The following TMEM14A variants were observed in gnomAD, a reference collection of about 807,000 sequenced individuals.
The protein encoded by TMEM14A is transmembrane protein 14A.
In TMEM14A, 8 loss-of-function variants were observed where a neutral mutation model predicts 11.6. The observed-to-expected ratio is 0.69, with a 90% CI of 0.40 to 1.24. The LOEUF is 1.24. TMEM14A is among the 50% of genes most tolerant of loss of function. TMEM14A has a pLI of 0.01. For synonymous variants in TMEM14A, 34 were observed against 45.5 expected (o/e 0.75, Z 1.02); for missense variants, 108 against 121.9 (o/e 0.89, Z 0.54).
At chr6:52,672,185 G>A (rs1166082767) in intron 1 of TMEM14A, among the ~76,000 whole-genome samples, 7 of 152,132 alleles carry the variant, frequency 4.6e-5, no homozygotes. Flanking sequence ...TTAAGTACCT[G>A]CCTTGTGCAT....
chr6:52,680,965 G>A (rs971735255), intron 2 of TMEM14A, among the ~76,000 whole-genome samples: 1 of 150,846 alleles, frequency 6.6e-6, no homozygotes, highest in Admixed American at 6.6e-5. Context: ...GTGCTGCAGT[G>A]GTTCTTAACC....
At chr6:52,680,662 T>TATATGTGTGTATATATATATAC (rs1769358723) in intron 2 of TMEM14A, among the ~76,000 whole-genome samples, 2 of 81,820 alleles carry the variant, frequency 2.4e-5, no homozygotes, top group African/African-American at 4.1e-5. Flanking sequence ...TGTGTGTATA[T>TATATGTGTGTATATATATATAC]ATATGTGTAT....
intron 2 of TMEM14A, among the ~76,000 whole-genome samples, chr6:52,678,126 T>C (rs1427136751): frequency 6.6e-6 from 1 of 152,154 alleles, no homozygotes; most frequent in East Asian, 1.9e-4. Context: ...TACTCAGAGG[T>C]TGATGTTTCA....
At chr6:52,673,253 C>T (rs1769194800) in intron 1 of TMEM14A, among the ~76,000 whole-genome samples, 1 of 152,168 alleles carries the variant, frequency 6.6e-6, no homozygotes, top group Non-Finnish European at 1.5e-5. Context: ...GCCTGCCCAA[C>T]CCAGAGATTT....
chr6:52,681,803 C>T lies in TMEM14A; in HGVS notation c.71-10C>T, dbSNP rs374017707. 56 of 1,611,016 alleles carry T rather than the reference C, an allele frequency of 3.5e-5. 1 individual carries two copies. The highest frequency in any genetic ancestry group is 4.5e-5 in the Non-Finnish European group (53 of 1,178,310). On this transcript the variant is annotated splice_polypyrimidine_tract_variant and intron_variant, in intron 2 of 4. Coordinates refer to ENST00000211314, the MANE Select transcript of TMEM14A (RefSeq NM_014051.4). ...TCTCTTTGTGATCTCATATTTTTTT[C>T]CCCTTCCAGGTGGTGTTCCGTCTTT...
At chr6:52,679,494 A>G (rs979952306) in intron 2 of TMEM14A, among the ~76,000 whole-genome samples, 2 of 152,118 alleles carry the variant, frequency 1.3e-5, no homozygotes, top group African/African-American at 4.8e-5. Flanking sequence ...GGACGACCAT[A>G]AGAGCACCTG....
chr6:52,677,256 A>G, intron 2 of TMEM14A, 84 bp downstream of exon 2: 1 of 1,447,654 alleles, frequency 6.9e-7, no homozygotes, highest in Non-Finnish European at 9.7e-7. Flanking sequence ...TGTAAGTAGG[A>G]TGAGAAGCTA....
At chr6:52,678,664 T>C (rs76145768) in intron 2 of TMEM14A, among the ~76,000 whole-genome samples, 3,171 of 152,290 alleles carry the variant, frequency 0.021, 55 homozygotes, top group African/African-American at 0.039. Flanking sequence ...CCAGCACTGA[T>C]ACTCAGGTGA....
At chr6:52,671,612 A>G (rs1025033757) in intron 1 of TMEM14A, among the ~76,000 whole-genome samples, 2 of 152,116 alleles carry the variant, frequency 1.3e-5, no homozygotes, top group East Asian at 1.9e-4. Flanking sequence ...GTGCCCTCCA[A>G]GAGCTCAAGG....
intron 1 of TMEM14A, among the ~76,000 whole-genome samples, chr6:52,674,729 G>C (rs573798983): frequency 1.3e-5 from 2 of 152,044 alleles, no homozygotes; most frequent in Non-Finnish European, 2.9e-5. Flanking sequence ...CCACAGATGA[G>C]CTCTCCTGTT....
At chr6:52,676,941 C>T (rs1769267462) in intron 1 of TMEM14A, 146 bp from the exon 2 acceptor site, 2 of 719,236 alleles carry the variant, frequency 2.8e-6, no homozygotes, top group Non-Finnish European at 4.8e-6. Flanking sequence ...CCCACCAGGC[C>T]CCACCTCCAA....
chr6:52,679,070 A>C (rs1185872697), intron 2 of TMEM14A, among the ~76,000 whole-genome samples: 1 of 152,210 alleles, frequency 6.6e-6, no homozygotes, highest in African/African-American at 2.4e-5. Flanking sequence ...AATGGTGTTT[A>C]GTGGGAGGAC....
In TMEM14A at chr6:52,680,681, A is replaced by ATGTGTGTG. The variant is rs1769364697; in HGVS notation, c.71-1131_71-1130insGTGTGTGT. Among the ~76,000 whole-genome samples the ATGTGTGTG allele has an allele frequency of 8.7e-5, 7 of 80,452 alleles. 1 individual carries two copies. The highest frequency in any genetic ancestry group is 3.0e-4 in the African/African-American group (7 of 23,398). 52.8% of individuals were successfully genotyped at this position (80,452 alleles called of 152,430 possible). A position where few individuals can be genotyped will look rare whatever the true frequency, so the allele number is the denominator to read the frequency against. ...TGTATATATATGTGTATATATATATATACATATATGTATATATATATATAC... is the reference window on the plus strand; with the variant it reads ...TGTATATATATGTGTATATATATATATGTGTGTGTACATATATGTATATATATATATAC... On this transcript the variant is annotated intron_variant, in intron 2 of 4. Coordinates refer to ENST00000211314, the MANE Select transcript of TMEM14A (RefSeq NM_014051.4).
intron 3 of TMEM14A, among the ~76,000 whole-genome samples, chr6:52,683,641 C>T (rs771919151): frequency 1.9e-4 from 29 of 151,924 alleles, no homozygotes; most frequent in Admixed American, 1.6e-3. Flanking sequence ...AGACAGAGTT[C>T]GCTCTTGTTG....
Position 52,685,195 on chromosome 6 carries a change from A to G in TMEM14A, c.261-815A>G, listed in dbSNP as rs28716245. Among the ~76,000 whole-genome samples the G allele has an allele frequency of 9.1e-3, 1,387 of 152,286 alleles. 20 individuals carry two copies. Among genetic ancestry groups the G allele is most frequent in the African/African-American group, 0.031 (1,309 of 41,558 alleles). On this transcript the variant is annotated intron_variant, in intron 4 of 4. Transcript: ENST00000211314. ...TTGTGTAGAATTTTCTAGTGTGACT[A>G]TGTATTATGTTTCAGGGAGGGGAGG...
intron 2 of TMEM14A, among the ~76,000 whole-genome samples, chr6:52,678,646 G>C (rs1339189159): frequency 6.6e-6 from 1 of 152,168 alleles, no homozygotes; most frequent in East Asian, 1.9e-4. Context: ...TCTTGACGCT[G>C]CCACTTACCA....
chr6:52,685,515 G>A (rs1769475513), intron 4 of TMEM14A, among the ~76,000 whole-genome samples: 1 of 152,042 alleles, frequency 6.6e-6, no homozygotes, highest in Non-Finnish European at 1.5e-5. Context: ...AGCTCAGGAG[G>A]TGGAGGTTGC....
rs935702473 is a variant in TMEM14A at position 52,686,353 on chromosome 6, A to G, written c.*304A>G. ...GAAAATTCCAAATACTCATGTCTCAAGTAAGCTTAAACTACAACTTGTCAC... is the reference window on the plus strand; with the variant it reads ...GAAAATTCCAAATACTCATGTCTCAGGTAAGCTTAAACTACAACTTGTCAC... On this transcript the variant is annotated 3_prime_UTR_variant, in exon 5 of 5. Coordinates refer to ENST00000211314, the MANE Select transcript of TMEM14A (RefSeq NM_014051.4). The G allele has an allele frequency of 5.1e-6, 2 of 391,108 alleles. No individual in the cohort carries two copies. Among genetic ancestry groups the G allele is most frequent in the African/African-American group, 4.1e-5 (2 of 48,412 alleles). The allele number at this position is 391,108 out of a possible 1,614,324, so 24.2% of individuals were successfully genotyped here. A position where few individuals can be genotyped will look rare whatever the true frequency, so the allele number is the denominator to read the frequency against.
At chr6:52,675,319 TA>T (rs1769236686) in intron 1 of TMEM14A, among the ~76,000 whole-genome samples, 1 of 152,268 alleles carries the variant, frequency 6.6e-6, no homozygotes, top group African/African-American at 2.4e-5. Context: ...TTTACAAAGA[TA>T]ATTACCTTCC....
Sources: gnomAD v4.1 joint callset for allele counts (sites outside exome capture counted in the v4.1 genomes callset) on GRCh38, gnomAD v4.1.1 for gene constraint, MANE v1.5 for transcripts, NCBI Gene and HGNC (gene_info 2026-07-23, HGNC 2026-07-21) for gene names.